ZNF214: variants seen among roughly 807,000 people sequenced by gnomAD.
The protein encoded by ZNF214 is BWSCR2-associated zinc finger protein 1.
Under a neutral mutation model 53.9 loss-of-function variants are expected in ZNF214, and 43 were observed. The ratio of observed to expected loss-of-function variants is 0.80; its 90% confidence interval spans 0.63 to 1.03. The LOEUF is 1.03. Among genes scored for constraint, ZNF214 ranks in the 50% least tolerant of loss-of-function variants. The pLI is 0.00. For synonymous variants in ZNF214, 217 were observed against 229.5 expected (o/e 0.95, Z 0.49); for missense variants, 724 against 719.1 (o/e 1.01, Z -0.08).
intron 2 of ZNF214, 30 bp downstream of exon 2, chr11:7,002,679 T>G (rs1373464865): frequency 6.4e-7 from 1 of 1,554,516 alleles, no homozygotes; most frequent in Admixed American, 2.1e-5. Context: ...TAGAAGAAAC[T>G]CTATTCCCTA....
At chr11:7,015,647 T>G (rs1851746512) in intron 1 of ZNF214, among the ~76,000 whole-genome samples, 2 of 152,128 alleles carry the variant, frequency 1.3e-5, no homozygotes, top group Admixed American at 6.6e-5. Flanking sequence ...TGCTCAGTCT[T>G]AGGAGAAATA....
At chr11:7,019,375 CACTT>C (rs1240196776) in intron 1 of ZNF214, among the ~76,000 whole-genome samples, 2 of 152,114 alleles carry the variant, frequency 1.3e-5, no homozygotes, top group East Asian at 1.9e-4. Context: ...AGATACAACT[CACTT>C]ATTTATTGAG....
At position 6,997,618 on chromosome 11, in the gene ZNF214, T is replaced by G. The variant is rs1174985166; in HGVS notation, c.*2244A>C. ...AAAAAAAAAGGCCTTTCTTAAATTG[T>G]CATTCAAAAAGAAAATGTTATTATG... On this transcript the variant is annotated 3_prime_UTR_variant, in exon 3 of 3. Coordinates refer to ENST00000278314, the MANE Select transcript of ZNF214 (RefSeq NM_013249.4). Among the ~76,000 whole-genome samples, 3 of 150,830 alleles carry G rather than the reference T, an allele frequency of 2.0e-5. No individual in the cohort carries two copies. The highest frequency in any genetic ancestry group is 7.3e-5 in the African/African-American group (3 of 41,182).
chr11:7,009,415 C>A (rs910587412), intron 1 of ZNF214, among the ~76,000 whole-genome samples: 1 of 152,098 alleles, frequency 6.6e-6, no homozygotes, highest in African/African-American at 2.4e-5. Flanking sequence ...ATACAATATA[C>A]AAAAATCAAT....
intron 1 of ZNF214, among the ~76,000 whole-genome samples, chr11:7,011,291 A>T (rs1851600910): frequency 6.6e-6 from 1 of 152,170 alleles, no homozygotes; most frequent in South Asian, 2.1e-4. Flanking sequence ...ATATTAGCTA[A>T]TTAAATTCAG....
chr11:7,007,405 A>G (rs1851496386), intron 1 of ZNF214, among the ~76,000 whole-genome samples: 1 of 151,258 alleles, frequency 6.6e-6, no homozygotes, highest in South Asian at 2.1e-4. Flanking sequence ...TGTGGTTTAG[A>G]ACAGATACAC....
chr11:7,020,288 C>T lies in ZNF214; in HGVS notation c.-236G>A, dbSNP rs1397276488. 1 of 152,272 alleles carries T rather than the reference C, an allele frequency of 6.6e-6. No individual in the cohort carries two copies. The allele number at this position is 152,272 out of a possible 1,614,324, so 9.4% of individuals were successfully genotyped here. ...AGCCTGTGAGAGTGGACCGGGATGG[C>T]CAAAACACTCAGTCCACACAAACAA... On this transcript the variant is annotated 5_prime_UTR_variant, in exon 1 of 3. Coordinates refer to ENST00000278314, the MANE Select transcript of ZNF214 (RefSeq NM_013249.4).
At chr11:7,002,934 G>A in intron 1 of ZNF214, 79 bp from the exon 2 acceptor site, 2 of 1,361,296 alleles carry the variant, frequency 1.5e-6, no homozygotes, top group Non-Finnish European at 1.9e-6. Context: ...AAGCCGAATA[G>A]AAAAAACAAG....
chr11:7,001,020 A>G lies in ZNF214; in HGVS notation c.663T>C (p.Cys221=). 6.2e-7 allele frequency: 1 copy of G among 1,613,240 alleles called. No individual in the cohort carries two copies. The highest frequency in any genetic ancestry group is 8.5e-7 in the Non-Finnish European group (1 of 1,179,566). Residue 221 remains cysteine (C), a synonymous_variant, in exon 3 of 3, where the codon TGT becomes TGC. Transcript: ENST00000278314. The part of the protein sequence containing the change: ...RDSMEEKYCG[C]NKCKGIYYWN... Reference sequence around the variant, plus strand: ...AATAATAAATTCCTTTACATTTATTACATCCACAGTACTTTTCTTCCATTG... The same window carrying G: ...AATAATAAATTCCTTTACATTTATTGCATCCACAGTACTTTTCTTCCATTG...
chr11:7,017,571 T>C (rs1039243367), intron 1 of ZNF214, among the ~76,000 whole-genome samples: 1 of 152,016 alleles, frequency 6.6e-6, no homozygotes, highest in Non-Finnish European at 1.5e-5. Context: ...ACCCCATCTC[T>C]ACTAAAAATA....
chr11:6,997,615 T>C lies in ZNF214; in HGVS notation c.*2247A>G, dbSNP rs1434280032. 6.7e-6 allele frequency among the ~76,000 whole-genome samples: 1 copy of C among 149,838 alleles called. No homozygotes were observed. Among genetic ancestry groups the C allele is most frequent in the African/African-American group, 2.5e-5 (1 of 40,812 alleles). Reference sequence around the variant, plus strand: ...AAAAAAAAAAAAGGCCTTTCTTAAATTGTCATTCAAAAAGAAAATGTTATT... The same window carrying C: ...AAAAAAAAAAAAGGCCTTTCTTAAACTGTCATTCAAAAAGAAAATGTTATT... On this transcript the variant is annotated 3_prime_UTR_variant, in exon 3 of 3. Coordinates refer to ENST00000278314, the MANE Select transcript of ZNF214 (RefSeq NM_013249.4).
At chr11:7,013,415 C>G (rs1242399820) in intron 1 of ZNF214, among the ~76,000 whole-genome samples, 1 of 152,228 alleles carries the variant, frequency 6.6e-6, no homozygotes, top group Admixed American at 6.5e-5. Context: ...TCTAGACTTG[C>G]TGGCTCCTTG....
intron 1 of ZNF214, among the ~76,000 whole-genome samples, chr11:7,016,832 C>T (rs945528114): frequency 6.6e-6 from 1 of 151,738 alleles, no homozygotes; most frequent in African/African-American, 2.4e-5. Flanking sequence ...TAAAATAACA[C>T]AATTAAGAAA....
chr11:7,010,680 G>A (rs189866603), intron 1 of ZNF214, among the ~76,000 whole-genome samples: 1 of 143,974 alleles, frequency 6.9e-6, no homozygotes, highest in Admixed American at 6.9e-5. Context: ...GAAGAATAAA[G>A]TGGAAGTCAA....
At position 6,999,753 on chromosome 11, in the gene ZNF214, G is replaced by A; in HGVS notation, c.*109C>T. 8.2e-7 allele frequency: 1 copy of A among 1,223,762 alleles called. No individual in the cohort carries two copies. The allele number at this position is 1,223,762 out of a possible 1,614,324, so 75.8% of individuals were successfully genotyped here. A position where few individuals can be genotyped will look rare whatever the true frequency, so the allele number is the denominator to read the frequency against. ...GTGGGAGATAGGGGAAACTATAAATGTTGCTTGGGATTACTTGTGTTATTT... is the reference window on the plus strand; with the variant it reads ...GTGGGAGATAGGGGAAACTATAAATATTGCTTGGGATTACTTGTGTTATTT... On this transcript the variant is annotated 3_prime_UTR_variant, in exon 3 of 3. Transcript: ENST00000278314.
chr11:7,015,586 A>G (rs1170603073), intron 1 of ZNF214, among the ~76,000 whole-genome samples: 2 of 91,166 alleles, frequency 2.2e-5, no homozygotes, highest in African/African-American at 7.2e-5. Flanking sequence ...TCTCAAAACA[A>G]CAACAAAAAC....
chr11:7,019,815 G>C (rs1010965038), intron 1 of ZNF214: 1 of 152,270 alleles, frequency 6.6e-6, no homozygotes, highest in African/African-American at 2.4e-5. Context: ...CGTGCCCCAA[G>C]AGCAGGACAG....
rs1851882514 is a variant in ZNF214, at chr11:7,020,078, T to C, written c.-26A>G. On this transcript the variant is annotated 5_prime_UTR_variant, in exon 1 of 3. It removes the in-frame stop codon of an upstream open reading frame in the 5' UTR. Transcript: ENST00000278314. ...TTCTGCCCTCCTCTACTTGCCTTTA[T>C]TAAGTCTTAACGTGGGAGAGAAGCC... The C allele has an allele frequency of 6.6e-6, 1 of 152,190 alleles. No individual in the cohort carries two copies. The highest frequency in any genetic ancestry group is 2.4e-5 in the African/African-American group (1 of 41,396). The allele number at this position is 152,190 out of a possible 1,614,324, so 9.4% of individuals were successfully genotyped here.
intron 1 of ZNF214, among the ~76,000 whole-genome samples, chr11:7,013,072 G>GT (rs1171381868): frequency 6.6e-6 from 1 of 152,072 alleles, no homozygotes. Context: ...TGAGAGATCT[G>GT]TTTTTTCTCC....
Sources: gnomAD v4.1 joint callset for allele counts (sites outside exome capture counted in the v4.1 genomes callset) on GRCh38, gnomAD v4.1.1 for gene constraint, MANE v1.5 for transcripts, NCBI Gene and HGNC (gene_info 2026-07-23, HGNC 2026-07-21) for gene names.